KMO: variants seen among roughly 807,000 people sequenced by gnomAD.
KMO encodes the protein kynurenine 3-hydroxylase.
A neutral mutation model predicts 57.8 loss-of-function variants in KMO; 24 were observed. The observed-to-expected ratio is 0.42, with a 90% CI of 0.30 to 0.58. The LOEUF (loss-of-function observed/expected upper bound fraction) is 0.58. Among genes scored for constraint, KMO ranks in the 20% least tolerant of loss-of-function variants. The probability of loss-of-function intolerance (pLI) is 0.22; values close to 1 mark genes in which losing one functional copy is unlikely to be tolerated. For missense variants in KMO, 483 were observed against 588.2 expected (o/e 0.82, Z 1.85); for synonymous variants, 210 against 193.6 (o/e 1.08, Z -0.70).
chr1:241,536,525 T>C (rs1262977132), intron 1 of KMO: 16 of 985,680 alleles, frequency 1.6e-5, no homozygotes, highest in African/African-American at 3.5e-5. Flanking sequence ...CAGCTAAAGC[T>C]ACTCAAGACA....
intron 1 of KMO, among the ~76,000 whole-genome samples, chr1:241,537,513 C>T (rs963966173): frequency 6.6e-6 from 1 of 152,176 alleles, no homozygotes; most frequent in African/African-American, 2.4e-5. Context: ...ATTTGCTCTA[C>T]TCTTGTTTTG....
intron 10 of KMO, among the ~76,000 whole-genome samples, chr1:241,583,530 AC>A (rs1662838644): frequency 6.6e-6 from 1 of 151,634 alleles, no homozygotes; most frequent in African/African-American, 2.4e-5. Flanking sequence ...AGACCTCTAT[AC>A]TTTTTCTTCT....
At position 241,548,809 on chromosome 1, in the gene KMO, A is replaced by C; in HGVS notation, c.55-20A>C. 6.8e-7 allele frequency: 1 copy of C among 1,479,472 alleles called. No homozygotes were observed. The highest frequency in any genetic ancestry group is 1.1e-5 in the South Asian group (1 of 87,348). The allele number at this position is 1,479,472 out of a possible 1,614,324, so 91.6% of individuals were successfully genotyped here. A position where few individuals can be genotyped will look rare whatever the true frequency, so the allele number is the denominator to read the frequency against. On this transcript the variant is annotated intron_variant, in intron 1 of 14. Coordinates refer to ENST00000366559, the MANE Select transcript of KMO (RefSeq NM_003679.5). ...TATTTGTGGAATCAGATAAATATTTAATTTTTTTTTAATTTCTAGGTTGGC... is the reference window on the plus strand; with the variant it reads ...TATTTGTGGAATCAGATAAATATTTCATTTTTTTTTAATTTCTAGGTTGGC...
Position 241,581,632 on chromosome 1 carries a change from C to CA in KMO, c.958-5044dup, listed in dbSNP as rs34029515. ...AAAAAAGAGAAAAGAAAAGAAAAGACAAACAAGCAAAGAGAAAACTAAACA... is the reference window on the plus strand; with the variant it reads ...AAAAAAGAGAAAAGAAAAGAAAAGACAAAACAAGCAAAGAGAAAACTAAACA... On this transcript the variant is annotated intron_variant, in intron 10 of 14. Coordinates refer to ENST00000366559, the MANE Select transcript of KMO (RefSeq NM_003679.5). Among the ~76,000 whole-genome samples, 1,417 of 151,716 alleles carry CA rather than the reference C, an allele frequency of 9.3e-3. 17 individuals are homozygous for CA. Among genetic ancestry groups the CA allele is most frequent in the East Asian group, 0.059 (302 of 5,128 alleles).
intron 10 of KMO, among the ~76,000 whole-genome samples, chr1:241,572,147 G>A (rs899040555): frequency 3.9e-5 from 6 of 152,026 alleles, no homozygotes; most frequent in African/African-American, 1.4e-4. Context: ...TTACAGGCAT[G>A]AGCCACCACG....
In KMO at chr1:241,590,239, G is replaced by A. The variant is rs377174611; in HGVS notation, c.1236G>A (p.Val412=). Residue 412 remains valine, a synonymous_variant, in exon 14 of 15, where the codon GTG becomes GTA. Coordinates refer to ENST00000366559, the MANE Select transcript of KMO (RefSeq NM_003679.5). ...TFSRIRYHEA[V]QRWHWQKKVI... ...CCAGAATAAGATACCATGAGGCTGTGCAGCGTTGGCATTGGCAAAAAAAGG... is the reference window on the plus strand; with the variant it reads ...CCAGAATAAGATACCATGAGGCTGTACAGCGTTGGCATTGGCAAAAAAAGG... 2.5e-6 allele frequency: 4 copies of A among 1,613,830 alleles called. No individual in the cohort carries two copies. Among genetic ancestry groups the A allele is most frequent in the Non-Finnish European group, 2.5e-6 (3 of 1,179,832 alleles).
At position 241,539,872 on chromosome 1, in the gene KMO, AGT is replaced by A. The variant is rs35892650; in HGVS notation, c.54+7376_54+7377del. Among the ~76,000 whole-genome samples, 735 of 152,302 alleles carry A rather than the reference AGT, an allele frequency of 4.8e-3. 6 individuals carry two copies. The highest frequency in any genetic ancestry group is 0.017 in the African/African-American group (696 of 41,562). On this transcript the variant is annotated intron_variant, in intron 1 of 14. Transcript: ENST00000366559. Reference sequence around the variant, plus strand: ...TTGCCCTTTGGTGGGCCATTTCATTAGTGAGATTTTATCAAAAGAAACGTGTA... The same window carrying A: ...TTGCCCTTTGGTGGGCCATTTCATTAGAGATTTTATCAAAAGAAACGTGTA...
chr1:241,544,287 TGTG>T (rs1268305080), intron 1 of KMO, among the ~76,000 whole-genome samples: 1 of 152,198 alleles, frequency 6.6e-6, no homozygotes, highest in Non-Finnish European at 1.5e-5. Context: ...CAAAAGTAAT[TGTG>T]GTTAACGGTA....
intron 10 of KMO, among the ~76,000 whole-genome samples, chr1:241,574,374 T>TC (rs1388872721): frequency 6.6e-6 from 1 of 152,108 alleles, no homozygotes; most frequent in Non-Finnish European, 1.5e-5. Flanking sequence ...CTTCAGATTT[T>TC]CCCCATTCAG....
At chr1:241,582,572 C>T (rs900045079) in intron 10 of KMO, among the ~76,000 whole-genome samples, 11 of 152,076 alleles carry the variant, frequency 7.2e-5, no homozygotes, top group Admixed American at 2.6e-4. Context: ...ATGCATTTTT[C>T]AATTGAATTT....
At chr1:241,535,400 T>C (rs983740353) in intron 1 of KMO, among the ~76,000 whole-genome samples, 3 of 151,990 alleles carry the variant, frequency 2.0e-5, no homozygotes, top group Non-Finnish European at 2.9e-5. Flanking sequence ...CCAAAAAATA[T>C]AGTGAACTTC....
Position 241,586,191 on chromosome 1 carries a change from C to CTTTT in KMO, c.958-466_958-463dup, listed in dbSNP as rs386370217. ...CACTGCCAAGCATGAAGTCTATGGT[C>CTTTT]TTTTTTTTTTTTTTTTTTTTTTTTT... is the stretch of plus-strand genomic sequence containing the variant. On this transcript the variant is annotated intron_variant, in intron 10 of 14. Coordinates refer to ENST00000366559, the MANE Select transcript of KMO (RefSeq NM_003679.5). Among the ~76,000 whole-genome samples, 575 of 80,066 alleles carry CTTTT rather than the reference C, an allele frequency of 7.2e-3. 10 individuals are homozygous for CTTTT. The highest frequency in any genetic ancestry group is 0.012 in the East Asian group (28 of 2,352). The allele number at this position is 80,066 out of a possible 152,430, so 52.5% of individuals were successfully genotyped here. A position where few individuals can be genotyped will look rare whatever the true frequency, so the allele number is the denominator to read the frequency against.
intron 1 of KMO, among the ~76,000 whole-genome samples, chr1:241,547,353 A>G (rs1203364172): frequency 6.6e-6 from 1 of 152,204 alleles, no homozygotes; most frequent in Non-Finnish European, 1.5e-5. Flanking sequence ...AGCAAGACAC[A>G]GAATGGAAGA....
In KMO at chr1:241,593,995, T is replaced by C. The variant is rs1663414594; in HGVS notation, c.*1842T>C. The C allele has an allele frequency of 6.1e-6, 1 of 163,820 alleles. No homozygotes were observed. The highest frequency in any genetic ancestry group is 1.3e-5 in the Non-Finnish European group (1 of 75,204). 10.1% of individuals were successfully genotyped at this position (163,820 alleles called of 1,614,324 possible). On this transcript the variant is annotated 3_prime_UTR_variant, in exon 15 of 15. Transcript: ENST00000366559. Reference sequence around the variant, plus strand: ...TGATAACTTGATCAGATATAGGACATGACACTGAATAGAGTCCAACAGTAC... The same window carrying C: ...TGATAACTTGATCAGATATAGGACACGACACTGAATAGAGTCCAACAGTAC...
rs553525905 is a variant in KMO, at chr1:241,575,392, G to A, written c.957+6745G>A. 3.3e-5 allele frequency among the ~76,000 whole-genome samples: 5 copies of A among 152,152 alleles called. No individual in the cohort carries two copies. In the East Asian group the frequency reaches 7.7e-4, roughly 23 times the overall value. ...TTGTGATGTTTTTGAACTTTTTGAT[G>A]TAGGCATTTAATGCTATAAACTTTC... is the stretch of plus-strand genomic sequence containing the variant. On this transcript the variant is annotated intron_variant, in intron 10 of 14. Transcript: ENST00000366559.
rs374759565 is a variant in KMO, at chr1:241,562,176, A to C, written c.459A>C (p.Lys153Asn). Reference protein sequence around the residue: ...EGMITVLGSDKVPKDVTCDLI... With the variant: ...EGMITVLGSDNVPKDVTCDLI... ...TTGTTCTATTTTTCAGATCTGACAA[A>C]GTTCCCAAAGATGTCACTTGTGACC... is the stretch of plus-strand genomic sequence containing the variant. Residue 153 changes from lysine to asparagine, a missense_variant, in exon 7 of 15, where the codon AAA becomes AAC. Physicochemically the swap from Lys to Asn is moderately conservative, Grantham distance 94. Coordinates refer to ENST00000366559, the MANE Select transcript of KMO (RefSeq NM_003679.5). The C allele has an allele frequency of 7.4e-6, 12 of 1,613,770 alleles. No homozygotes were observed. In the African/African-American group the frequency reaches 1.5e-4, roughly 20 times the overall value.
chr1:241,562,375 T>C (rs1479601753), intron 7 of KMO, 43 bp downstream of exon 7: 1 of 1,598,102 alleles, frequency 6.3e-7, no homozygotes, highest in African/African-American at 1.3e-5. Context: ...CAACCCTTGC[T>C]CCATGAGCGC....
chr1:241,587,819 C>T (rs924120984), intron 11 of KMO, among the ~76,000 whole-genome samples: 1 of 151,932 alleles, frequency 6.6e-6, no homozygotes, highest in Non-Finnish European at 1.5e-5. Context: ...ATTTTGTTCC[C>T]GCCCTTCCTT....
intron 10 of KMO, among the ~76,000 whole-genome samples, chr1:241,586,147 G>A: frequency 6.9e-6 from 1 of 144,290 alleles, no homozygotes; most frequent in East Asian, 2.2e-4. Context: ...TCATATATAT[G>A]TAAATTGGAC....
Sources: allele counts gnomAD v4.1 joint callset (sites outside exome capture counted in the v4.1 genomes callset), GRCh38; gene constraint gnomAD v4.1.1; transcripts MANE v1.5; gene names NCBI Gene and HGNC (gene_info 2026-07-23, HGNC 2026-07-21).